PTS: variants seen among roughly 807,000 people sequenced by gnomAD.
PTS encodes 6-pyruvoyl tetrahydrobiopterin synthase.
PTS carries 23 observed loss-of-function variants against 20.6 expected under a neutral mutation model. The ratio of observed to expected loss-of-function variants is 1.12; its 90% CI spans 0.80 to 1.58. The LOEUF (loss-of-function observed/expected upper bound fraction) is 1.58, where lower values mean the gene tolerates loss of function less well. Among genes scored for constraint, PTS ranks in the 40% most tolerant of loss-of-function variants. The pLI is 0.00. For missense variants in PTS, 186 were observed against 182.4 expected, an observed-to-expected ratio of 1.02 and a Z score of -0.11; for synonymous variants, 65 against 62.5, an observed-to-expected ratio of 1.04 and a Z score of -0.19.
chr11:112,231,065 C>G (rs982522653), intron 4 of PTS, among the ~76,000 whole-genome samples: 3 of 117,928 alleles, frequency 2.5e-5, no homozygotes, highest in African/African-American at 9.7e-5. Flanking sequence ...GCAAACTTTT[C>G]TTTTTGGTAG....
At chr11:112,229,168 A>T (rs1859900368) in intron 2 of PTS, 2 of 174,058 alleles carry the variant, frequency 1.1e-5, no homozygotes. Flanking sequence ...CAGGTACATA[A>T]GTCGTAGAGT....
At position 112,228,456 on chromosome 11, in the gene PTS, ACT is replaced by A. The variant is rs1025794353; in HGVS notation, c.84-134_84-133del. 8.5e-6 allele frequency: 6 copies of A among 708,886 alleles called. No homozygotes were observed. In the African/African-American group the frequency reaches 1.1e-4, roughly 13 times the overall value. The allele number at this position is 708,886 out of a possible 1,614,324, so 43.9% of individuals were successfully genotyped here. A position where few individuals can be genotyped will look rare whatever the true frequency, so the allele number is the denominator to read the frequency against. ...AGTAATAAAATCAACATGATTTCTGACTCTCCCTTTGGTGAGCTAAAGTAATA... is the reference window on the plus strand; with the variant it reads ...AGTAATAAAATCAACATGATTTCTGACTCCCTTTGGTGAGCTAAAGTAATA... On this transcript the variant is annotated intron_variant, in intron 1 of 5. Coordinates refer to ENST00000280362, the MANE Select transcript of PTS (RefSeq NM_000317.3).
At position 112,233,159 on chromosome 11, in the gene PTS, C is replaced by G. The variant is rs759579787; in HGVS notation, c.244-4C>G. ...ATGATATTTTCCCTTGGTTTTGTCT[C>G]TAGGAGGCGATTATGCAGCCCCTTG... On this transcript the variant is annotated splice_polypyrimidine_tract_variant and splice_region_variant and intron_variant, in intron 4 of 5. Transcript: ENST00000280362. 2.5e-6 allele frequency: 4 copies of G among 1,613,146 alleles called. No individual in the cohort carries two copies. Among genetic ancestry groups the G allele is most frequent in the Non-Finnish European group, 2.5e-6 (3 of 1,179,162 alleles).
intron 1 of PTS, 79 bp downstream of exon 1, chr11:112,226,605 T>TGCTGACGTCGGGCCCGGGAGGGGCGC: frequency 7.5e-7 from 1 of 1,330,750 alleles, no homozygotes; most frequent in Non-Finnish European, 1.0e-6. Flanking sequence ...CCGGCGGGCG[T>TGCTGACGTCGGGCCCGGGAGGGGCGC]GCTGACGTCG....
chr11:112,228,727 C>T, intron 2 of PTS, 54 bp downstream of exon 2: 4 of 1,480,740 alleles, frequency 2.7e-6, no homozygotes, highest in Non-Finnish European at 2.8e-6. Context: ...AAAGAGTATT[C>T]AGCAAATGTA....
In PTS at chr11:112,233,205, G is replaced by A. The variant is rs104894280; in HGVS notation, c.286G>A (p.Asp96Asn). ...CCTTGATCATAAGAATCTGGATATG[G>A]ATGTGCCATACTTTGCAGATGTGGT... Reference protein sequence around the residue: ...QPLDHKNLDMDVPYFADVVST... With the variant: ...QPLDHKNLDMNVPYFADVVST... Residue 96 changes from aspartate to asparagine, a missense_variant, in exon 5 of 6, where the codon GAT becomes AAT. By Grantham distance (23) the Asp-to-Asn change is conservative (BLOSUM62 1). Transcript: ENST00000280362. The A allele has an allele frequency of 5.0e-6, 8 of 1,614,122 alleles. No homozygotes were observed. The East Asian group carries it at 1.8e-4, about 36-fold the overall frequency.
Position 112,233,795 on chromosome 11 carries a change from C to T in PTS, c.*240C>T. 1 of 384,662 alleles carries T rather than the reference C, an allele frequency of 2.6e-6. No homozygotes were observed. The highest frequency in any genetic ancestry group is 4.2e-6 in the Non-Finnish European group (1 of 240,278). The allele number at this position is 384,662 out of a possible 1,614,324, so 23.8% of individuals were successfully genotyped here. A position where few individuals can be genotyped will look rare whatever the true frequency, so the allele number is the denominator to read the frequency against. Reference sequence around the variant, plus strand: ...TCTTTTATTTATAAATTAAAAATCACTTCATTTTCACAAAATGTTTTGGTG... The same window carrying T: ...TCTTTTATTTATAAATTAAAAATCATTTCATTTTCACAAAATGTTTTGGTG... On this transcript the variant is annotated 3_prime_UTR_variant, in exon 6 of 6. Coordinates refer to ENST00000280362, the MANE Select transcript of PTS (RefSeq NM_000317.3).
At chr11:112,230,779 C>A in intron 4 of PTS, 97 bp downstream of exon 4, 1 of 1,100,702 alleles carries the variant, frequency 9.1e-7, no homozygotes, top group Non-Finnish European at 1.4e-6. Flanking sequence ...CCTAAGGTTC[C>A]ATGACTTTGT....
intron 2 of PTS, 66 bp from the exon 3 acceptor site, chr11:112,230,142 T>A: frequency 6.8e-7 from 1 of 1,475,532 alleles, no homozygotes; most frequent in South Asian, 1.1e-5. Flanking sequence ...TGTTGCTAAC[T>A]TGTGCTTGGA....
chr11:112,233,578 A>C lies in PTS; in HGVS notation c.*23A>C. The C allele has an allele frequency of 6.2e-7, 1 of 1,612,950 alleles. No individual in the cohort carries two copies. The highest frequency in any genetic ancestry group is 8.5e-7 in the Non-Finnish European group (1 of 1,179,548). On this transcript the variant is annotated 3_prime_UTR_variant, in exon 6 of 6. Coordinates refer to ENST00000280362, the MANE Select transcript of PTS (RefSeq NM_000317.3). Reference sequence around the variant, plus strand: ...TAGCTATTGGGGTTAGCATTGCACAAAGCCCAGTTTCTTTCTGTGTTTGAA... The same window carrying C: ...TAGCTATTGGGGTTAGCATTGCACACAGCCCAGTTTCTTTCTGTGTTTGAA...
intron 4 of PTS, among the ~76,000 whole-genome samples, chr11:112,231,686 C>T (rs1273115268): frequency 6.6e-6 from 1 of 151,976 alleles, no homozygotes; most frequent in Non-Finnish European, 1.5e-5. Context: ...TGAGATGTAG[C>T]CCACAGAGTG....
chr11:112,228,739 AC>A, intron 2 of PTS, 66 bp downstream of exon 2: 1 of 1,428,202 alleles, frequency 7.0e-7, no homozygotes, highest in African/African-American at 1.4e-5. Context: ...GCAAATGTAG[AC>A]ATAAAGAATG....
chr11:112,230,210 G>T lies in PTS; in HGVS notation c.166G>T (p.Val56Leu). 6.2e-7 allele frequency: 1 copy of T among 1,613,396 alleles called. No homozygotes were observed. Among genetic ancestry groups the T allele is most frequent in the South Asian group, 1.1e-5 (1 of 91,056 alleles). Residue 56 changes from valine to leucine, a missense_variant and splice_region_variant, in exon 3 of 6, where the codon GTG (valine) becomes TTG (leucine). Coordinates refer to ENST00000280362, the MANE Select transcript of PTS (RefSeq NM_000317.3). Reference sequence around the variant, plus strand: ...TGTATTTTGTTTTCTTTCCATAGTTGTGGTGACAGTACATGGAGAGGTATG... The same window carrying T: ...TGTATTTTGTTTTCTTTCCATAGTTTTGGTGACAGTACATGGAGAGGTATG... ...PNGHGHNYKV[V>L]VTVHGEIDPA...
chr11:112,231,620 A>G (rs1008757325), intron 4 of PTS, among the ~76,000 whole-genome samples: 1 of 152,174 alleles, frequency 6.6e-6, no homozygotes, highest in African/African-American at 2.4e-5. Flanking sequence ...TTATTCATAT[A>G]TTCAACAAAT....
chr11:112,229,906 G>C (rs1392591135), intron 2 of PTS, among the ~76,000 whole-genome samples: 1 of 152,174 alleles, frequency 6.6e-6, no homozygotes, highest in Non-Finnish European at 1.5e-5. Context: ...GCAGCATCTT[G>C]ATGCTCCCTA....
At chr11:112,230,349 A>G (rs1051083448) in intron 3 of PTS, 119 bp downstream of exon 3, 10 of 1,268,452 alleles carry the variant, frequency 7.9e-6, no homozygotes, top group South Asian at 7.1e-5. Flanking sequence ...TGGCCCTTGT[A>G]TATGTGTGTG....
intron 4 of PTS, 123 bp from the exon 5 acceptor site, chr11:112,233,040 A>T: frequency 1.0e-6 from 1 of 963,542 alleles, no homozygotes; most frequent in Non-Finnish European, 1.7e-6. Flanking sequence ...ACTCAAATCT[A>T]GTACTTACAA....
rs1555198118 is a variant in PTS, at chr11:112,228,628, T to C, written c.118T>C (p.Phe40Leu). Residue 40 changes from phenylalanine (F) to leucine (L), a missense_variant, in exon 2 of 6, where the codon TTT (phenylalanine) becomes CTT (leucine). Physicochemically the swap from Phe to Leu is conservative, Grantham distance 22. Transcript: ENST00000280362. ...FLSDEENLKL[F>L]GKCNNPNGHG... ...AAGTGATGAAGAAAACTTGAAACTG[T>C]TTGGGAAATGCAACAATCCAAATGG... 1 of 1,611,690 alleles carries C rather than the reference T, an allele frequency of 6.2e-7. No individual in the cohort carries two copies. The highest frequency in any genetic ancestry group is 8.5e-7 in the Non-Finnish European group (1 of 1,179,854).
At chr11:112,233,298 T>TCA in intron 5 of PTS, 65 bp downstream of exon 5, 1 of 1,563,180 alleles carries the variant, frequency 6.4e-7, no homozygotes, top group Non-Finnish European at 8.8e-7. Flanking sequence ...ATACTTTGAT[T>TCA]GTTGTGTGAT....
Sources: gnomAD v4.1 joint callset for allele counts (sites outside exome capture counted in the v4.1 genomes callset) on GRCh38, gnomAD v4.1.1 for gene constraint, MANE v1.5 for transcripts, NCBI Gene and HGNC (gene_info 2026-07-23, HGNC 2026-07-21) for gene names.